PHLPP2: variants seen among roughly 807,000 people sequenced by gnomAD.
PHLPP2 encodes the protein PH domain and leucine rich repeat protein phosphatase 2, also known as PH domain leucine-rich repeat-containing protein phosphatase 2.
PHLPP2 carries 66 observed loss-of-function variants against 124.9 expected under a neutral mutation model. The observed-to-expected ratio is 0.53, with a 90% CI of 0.43 to 0.65. The LOEUF is 0.65. Ranked by LOEUF, PHLPP2 falls within the 30% of genes least tolerant of loss-of-function variation. The pLI is 0.00. For synonymous variants in PHLPP2, 681 were observed against 624.7 expected (o/e 1.09, Z -1.34); for missense variants, 1,685 against 1,600.4 (o/e 1.05, Z -0.90).
At chr16:71,690,482 G>A (rs773678544) in intron 4 of PHLPP2, 37 bp downstream of exon 4, 1 of 1,364,980 alleles carries the variant, frequency 7.3e-7, no homozygotes, top group South Asian at 1.2e-5. Context: ...TAATTAAGAT[G>A]ATCAAATGAA....
At chr16:71,699,817 C>T (rs1324918260) in intron 3 of PHLPP2, among the ~76,000 whole-genome samples, 2 of 152,212 alleles carry the variant, frequency 1.3e-5, no homozygotes, top group Non-Finnish European at 2.9e-5. Flanking sequence ...ACACCCCCAC[C>T]TGGACGCTGC....
At chr16:71,684,129 T>G (rs1311329138) in intron 5 of PHLPP2, among the ~76,000 whole-genome samples, 1 of 148,542 alleles carries the variant, frequency 6.7e-6, no homozygotes, top group African/African-American at 2.5e-5. Flanking sequence ...GGTACTCTTT[T>G]TTTTTTTTTT....
intron 2 of PHLPP2, among the ~76,000 whole-genome samples, chr16:71,705,717 G>A (rs564598684): frequency 1.3e-5 from 2 of 152,120 alleles, no homozygotes; most frequent in Admixed American, 1.3e-4. Context: ...TTATCATACT[G>A]GCCAGGCTGC....
At chr16:71,681,052 C>T (rs2044992842) in intron 6 of PHLPP2, among the ~76,000 whole-genome samples, 1 of 152,148 alleles carries the variant, frequency 6.6e-6, no homozygotes, top group Non-Finnish European at 1.5e-5. Context: ...TAAAATATGT[C>T]ATTTTAATGT....
rs1030288850 is a variant in PHLPP2, at chr16:71,679,343, T to C, written c.1037+46A>G. The C allele has an allele frequency of 1.9e-6, 3 of 1,563,722 alleles. No individual in the cohort carries two copies. The Admixed American group carries it at 5.0e-5, about 26-fold the overall frequency. On this transcript the variant is annotated intron_variant, in intron 7 of 18. Coordinates refer to ENST00000568954, the MANE Select transcript of PHLPP2 (RefSeq NM_015020.3). ...CCTTCATTCCAAACCCCAGGCAAGT[T>C]CCTTATTCTGCAAGGGAAAAGAGGA...
At chr16:71,707,730 T>C (rs2045287922) in intron 2 of PHLPP2, among the ~76,000 whole-genome samples, 1 of 152,200 alleles carries the variant, frequency 6.6e-6, no homozygotes, top group Admixed American at 6.5e-5. Flanking sequence ...TCACCCTATG[T>C]GTCTCTTCAG....
chr16:71,709,937 G>A (rs532510123), intron 2 of PHLPP2, among the ~76,000 whole-genome samples: 24 of 152,220 alleles, frequency 1.6e-4, no homozygotes, highest in African/African-American at 5.1e-4. Context: ...AGGCTCAAGC[G>A]ATTCTCCTAC....
intron 1 of PHLPP2, chr16:71,723,808 C>A (rs1294505066): frequency 4.6e-6 from 6 of 1,294,732 alleles, no homozygotes; most frequent in African/African-American, 3.1e-5. Flanking sequence ...GGCTCGCGGG[C>A]GCTTCGGGCG....
Position 71,714,693 on chromosome 16 carries a change from G to A in PHLPP2, c.103C>T (p.Leu35Phe). ...REDVKRGCVY[L>F]YGADTTTATT... ...GCAGTGGTAGTGTCTGCTCCATAAA[G>A]GTAAACACAGCCTCTCTTTACATCT... The change falls in exon 2 of 19, where the codon CTT becomes TTT. Residue 35 changes from leucine to phenylalanine, a missense_variant. Coordinates refer to ENST00000568954, the MANE Select transcript of PHLPP2 (RefSeq NM_015020.3). 1 of 1,613,808 alleles carries A rather than the reference G, an allele frequency of 6.2e-7. No individual in the cohort carries two copies. Among genetic ancestry groups the A allele is most frequent in the Non-Finnish European group, 8.5e-7 (1 of 1,179,858 alleles).
intron 14 of PHLPP2, 35 bp from the exon 15 acceptor site, chr16:71,658,398 T>A (rs1361448397): frequency 6.3e-7 from 1 of 1,591,668 alleles, no homozygotes; most frequent in Admixed American, 1.7e-5. Context: ...AGAAAATACA[T>A]CACAGAGACT....
At chr16:71,719,929 C>G (rs1436301383) in intron 1 of PHLPP2, among the ~76,000 whole-genome samples, 1 of 144,440 alleles carries the variant, frequency 6.9e-6, no homozygotes, top group African/African-American at 2.6e-5. Context: ...TCCTGAGTAG[C>G]TGGGATTACA....
At chr16:71,678,158 A>G (rs2044964683) in intron 8 of PHLPP2, 1 of 152,222 alleles carries the variant, frequency 6.6e-6, no homozygotes, top group Non-Finnish European at 1.5e-5. Context: ...GCAAGACCCC[A>G]TCTCTATAAA....
intron 18 of PHLPP2, 31 bp downstream of exon 18, chr16:71,652,759 G>T: frequency 6.6e-7 from 1 of 1,511,274 alleles, no homozygotes; most frequent in Non-Finnish European, 9.2e-7. Context: ...GATTTGGGGA[G>T]CAGAAGTGAC....
intron 1 of PHLPP2, among the ~76,000 whole-genome samples, chr16:71,721,316 TAAC>T (rs2045396872): frequency 6.7e-6 from 1 of 149,718 alleles, no homozygotes; most frequent in African/African-American, 2.5e-5. Context: ...AAAAAAATAA[TAAC>T]AATAATAACG....
At position 71,702,585 on chromosome 16, in the gene PHLPP2, G is replaced by A; in HGVS notation, c.418+13C>T. The A allele has an allele frequency of 6.2e-7, 1 of 1,604,546 alleles. No individual in the cohort carries two copies. The highest frequency in any genetic ancestry group is 8.5e-7 in the Non-Finnish European group (1 of 1,174,908). Reference sequence around the variant, plus strand: ...AAAGTAGTTAACATACAAAGCCACTGATAAATTCTTACCACCATAAAATCG... The same window carrying A: ...AAAGTAGTTAACATACAAAGCCACTAATAAATTCTTACCACCATAAAATCG... On this transcript the variant is annotated intron_variant, in intron 3 of 18. Transcript: ENST00000568954.
chr16:71,654,204 G>GAAAA lies in PHLPP2; in HGVS notation c.2585+1032_2585+1035dup, dbSNP rs765826548. On this transcript the variant is annotated intron_variant, in intron 17 of 18. Coordinates refer to ENST00000568954, the MANE Select transcript of PHLPP2 (RefSeq NM_015020.3). ...AGCAAGAAGACTCCGTCTCAAAAAA[G>GAAAA]AAAAAAAAAAAAAAAAAAAAAAAAC... is the stretch of plus-strand genomic sequence containing the variant. 2.9e-4 allele frequency among the ~76,000 whole-genome samples: 21 copies of GAAAA among 72,352 alleles called. 1 individual carries two copies. The highest frequency in any genetic ancestry group is 2.8e-3 in the East Asian group (8 of 2,892). 47.5% of individuals were successfully genotyped at this position (72,352 alleles called of 152,430 possible). A position where few individuals can be genotyped will look rare whatever the true frequency, so the allele number is the denominator to read the frequency against.
chr16:71,681,671 A>C, intron 6 of PHLPP2, 80 bp downstream of exon 6: 1 of 1,099,308 alleles, frequency 9.1e-7, no homozygotes, highest in Non-Finnish European at 1.3e-6. Context: ...TATACATACA[A>C]TGGTAGCAGG....
chr16:71,705,484 T>G (rs2045266812), intron 2 of PHLPP2, among the ~76,000 whole-genome samples: 2 of 152,124 alleles, frequency 1.3e-5, no homozygotes, highest in Admixed American at 1.3e-4. Context: ...GAAACCCTCC[T>G]TACACATGTC....
At chr16:71,694,117 C>T (rs2045142860) in intron 3 of PHLPP2, among the ~76,000 whole-genome samples, 1 of 151,984 alleles carries the variant, frequency 6.6e-6, no homozygotes, top group African/African-American at 2.4e-5. Context: ...TCGATTGCAC[C>T]AGGGAGGTAG....
Sources: allele counts gnomAD v4.1 joint callset (sites outside exome capture counted in the v4.1 genomes callset), GRCh38; gene constraint gnomAD v4.1.1; transcripts MANE v1.5; gene names NCBI Gene and HGNC (gene_info 2026-07-23, HGNC 2026-07-21).